Variants in AKR1D1 observed in about 807,000 individuals in gnomAD.
The protein encoded by AKR1D1 is delta(4)-3-ketosteroid 5-beta-reductase.
A neutral mutation model predicts 42.6 loss-of-function variants in AKR1D1; 32 were observed. The ratio of observed to expected loss-of-function variants is 0.75; its 90% CI spans 0.57 to 1.01. The LOEUF (loss-of-function observed/expected upper bound fraction) is 1.01. Ranked by LOEUF, AKR1D1 falls within the 50% of genes least tolerant of loss-of-function variation. The pLI, the probability that AKR1D1 is intolerant of heterozygous loss-of-function variation, is 0.00. For missense variants in AKR1D1, 364 were observed against 402.2 expected (o/e 0.91, Z 0.81); for synonymous variants, 123 against 135.5 (o/e 0.91, Z 0.64).
At chr7:138,084,319 G>T (rs990953479) in intron 1 of AKR1D1, among the ~76,000 whole-genome samples, 2 of 146,286 alleles carry the variant, frequency 1.4e-5, no homozygotes, top group Non-Finnish European at 3.0e-5. Flanking sequence ...CTGAAGCGCA[G>T]TGGCATGATT....
chr7:138,116,753 G>A lies in AKR1D1; in HGVS notation c.*91G>A. 1.7e-6 allele frequency: 2 copies of A among 1,171,506 alleles called. No individual in the cohort carries two copies. Among genetic ancestry groups the A allele is most frequent in the South Asian group, 1.3e-5 (1 of 78,920 alleles). The allele number at this position is 1,171,506 out of a possible 1,614,324, so 72.6% of individuals were successfully genotyped here. ...CCTAGATGTGAAAATGAAGAGAGAG[G>A]GTTTTACCATCCTGAGAAGAAATAA... On this transcript the variant is annotated 3_prime_UTR_variant, in exon 9 of 9. Coordinates refer to ENST00000242375, the MANE Select transcript of AKR1D1 (RefSeq NM_005989.4).
intron 5 of AKR1D1, 101 bp from the exon 6 acceptor site, chr7:138,106,507 T>G: frequency 1.2e-6 from 1 of 839,168 alleles, no homozygotes; most frequent in Admixed American, 1.9e-5. Flanking sequence ...GGAGATTCTA[T>G]TAATAAAATG....
intron 6 of AKR1D1, 74 bp from the exon 7 acceptor site, chr7:138,107,341 G>A: frequency 6.7e-7 from 1 of 1,492,328 alleles, no homozygotes; most frequent in South Asian, 1.1e-5. Flanking sequence ...GGAAGACAGA[G>A]GAGGAGGATG....
Position 138,086,075 on chromosome 7 carries a change from C to T in AKR1D1, c.94-2526C>T, listed in dbSNP as rs117706033. Among the ~76,000 whole-genome samples, 1,280 of 152,192 alleles carry T rather than the reference C, an allele frequency of 8.4e-3. 7 individuals are homozygous for T. Among genetic ancestry groups the T allele is most frequent in the Middle Eastern group, 0.034 (10 of 294 alleles). On this transcript the variant is annotated intron_variant, in intron 1 of 8. Coordinates refer to ENST00000242375, the MANE Select transcript of AKR1D1 (RefSeq NM_005989.4). ...AATGTATGCCAGGCATGGTGGCACACGCCTGTAGTCCCACTTACTCGGGAG... is the reference window on the plus strand; with the variant it reads ...AATGTATGCCAGGCATGGTGGCACATGCCTGTAGTCCCACTTACTCGGGAG...
At chr7:138,090,527 C>T (rs969914870) in intron 2 of AKR1D1, among the ~76,000 whole-genome samples, 20 of 151,454 alleles carry the variant, frequency 1.3e-4, no homozygotes, top group Admixed American at 2.6e-4. Flanking sequence ...ATCCCAGCTA[C>T]TTGGGAGGCT....
At chr7:138,100,148 G>C (rs1376064192) in intron 4 of AKR1D1, among the ~76,000 whole-genome samples, 1 of 92,812 alleles carries the variant, frequency 1.1e-5, no homozygotes, top group African/African-American at 4.0e-5. Context: ...AACTTCCAGA[G>C]CATAATAAAT....
intron 1 of AKR1D1, among the ~76,000 whole-genome samples, chr7:138,087,710 A>C (rs1459597346): frequency 6.6e-6 from 1 of 152,024 alleles, no homozygotes; most frequent in Non-Finnish European, 1.5e-5. Context: ...TACTTCCCCC[A>C]ACTCCTGACC....
intron 7 of AKR1D1, among the ~76,000 whole-genome samples, chr7:138,107,815 C>T (rs1794463553): frequency 6.6e-6 from 1 of 152,064 alleles, no homozygotes; most frequent in Admixed American, 6.6e-5. Context: ...TATATTTTCT[C>T]TTTCCTTATC....
chr7:138,099,166 C>CG (rs953326820), intron 4 of AKR1D1, among the ~76,000 whole-genome samples: 1 of 152,108 alleles, frequency 6.6e-6, no homozygotes, highest in Non-Finnish European at 1.5e-5. Context: ...TCCCAGTGCC[C>CG]GGGGCTCTGT....
chr7:138,105,170 T>C, intron 4 of AKR1D1, 137 bp from the exon 5 acceptor site: 1 of 1,200,504 alleles, frequency 8.3e-7, no homozygotes, highest in Non-Finnish European at 1.2e-6. Context: ...ACCATCCTTC[T>C]TTTACTTTTT....
chr7:138,114,300 C>T (rs1175937829), intron 8 of AKR1D1, among the ~76,000 whole-genome samples: 1 of 152,152 alleles, frequency 6.6e-6, no homozygotes, highest in East Asian at 1.9e-4. Flanking sequence ...TCCATATACT[C>T]CTTCAAAATG....
chr7:138,095,669 G>A (rs1276667238), intron 3 of AKR1D1, among the ~76,000 whole-genome samples: 4 of 152,228 alleles, frequency 2.6e-5, no homozygotes, highest in African/African-American at 9.6e-5. Context: ...GGGATTACAG[G>A]CGCCCGCCAT....
chr7:138,091,704 AG>A (rs1254203481), intron 2 of AKR1D1, 63 bp from the exon 3 acceptor site: 1 of 1,267,462 alleles, frequency 7.9e-7, no homozygotes, highest in Non-Finnish European at 1.2e-6. Context: ...ACAAAGAAAA[AG>A]GGGCTGCCTT....
intron 3 of AKR1D1, among the ~76,000 whole-genome samples, chr7:138,095,114 C>G (rs1794159252): frequency 6.6e-6 from 1 of 152,066 alleles, no homozygotes; most frequent in Non-Finnish European, 1.5e-5. Flanking sequence ...AATGGAAGGT[C>G]AAGGGAAACA....
intron 6 of AKR1D1, 176 bp from the exon 7 acceptor site, chr7:138,107,236 ATAC>A (rs1005924737): frequency 6.4e-6 from 5 of 781,216 alleles, no homozygotes; most frequent in Admixed American, 5.2e-5. Flanking sequence ...TGATCTTCCC[ATAC>A]TACGAGTAAC....
intron 4 of AKR1D1, among the ~76,000 whole-genome samples, chr7:138,104,680 C>CA (rs1359298773): frequency 5.8e-5 from 4 of 68,422 alleles, no homozygotes; most frequent in East Asian, 8.4e-4. Context: ...AACTCCATCT[C>CA]GGAAAAAAAA....
rs1794319072 is a variant in AKR1D1 at position 138,101,501 on chromosome 7, T to C, written c.456+3558T>C. Among the ~76,000 whole-genome samples, 4 of 152,182 alleles carry C rather than the reference T, an allele frequency of 2.6e-5. No individual in the cohort carries two copies. In the South Asian group the frequency reaches 6.2e-4, roughly 24 times the overall value. On this transcript the variant is annotated intron_variant, in intron 4 of 8. Coordinates refer to ENST00000242375, the MANE Select transcript of AKR1D1 (RefSeq NM_005989.4). ...ATGTGAGCCACCGCGCCCGGCAACA[T>C]AGGCCATTTTTCGAGCCATAACATA...
intron 1 of AKR1D1, among the ~76,000 whole-genome samples, chr7:138,079,020 C>T (rs1179337419): frequency 1.3e-5 from 2 of 152,046 alleles, no homozygotes; most frequent in Non-Finnish European, 2.9e-5. Context: ...TTATTAGAGG[C>T]AGGTTTTTGC....
rs1043580127 is a variant in AKR1D1 at position 138,117,816 on chromosome 7, G to C, written c.*1154G>C. On this transcript the variant is annotated 3_prime_UTR_variant, in exon 9 of 9. Coordinates refer to ENST00000242375, the MANE Select transcript of AKR1D1 (RefSeq NM_005989.4). ...GGGCAGATCAGGAGGTCAGGAGATC[G>C]AGACCATCTTGGCTAACAAGGTGAA... is the stretch of plus-strand genomic sequence containing the variant. 1 of 152,232 alleles carries C rather than the reference G, an allele frequency of 6.6e-6. No individual in the cohort carries two copies. The highest frequency in any genetic ancestry group is 1.5e-5 in the Non-Finnish European group (1 of 68,042). 9.4% of individuals were successfully genotyped at this position (152,232 alleles called of 1,614,324 possible).
Sources: gnomAD v4.1 joint callset for allele counts (sites outside exome capture counted in the v4.1 genomes callset) on GRCh38, gnomAD v4.1.1 for gene constraint, MANE v1.5 for transcripts, NCBI Gene and HGNC (gene_info 2026-07-23, HGNC 2026-07-21) for gene names.